The following GRID2 variants were observed in gnomAD, a reference collection of about 807,000 sequenced individuals.
GRID2 encodes glutamate ionotropic receptor delta type subunit 2.
In GRID2, 33 loss-of-function variants were observed where a neutral mutation model predicts 114.8. The ratio of observed to expected loss-of-function variants is 0.29; its 90% CI spans 0.22 to 0.38. GRID2 has a LOEUF of 0.38. Among genes scored for constraint, GRID2 ranks in the 10% least tolerant of loss-of-function variants. The pLI is 1.00. For synonymous variants in GRID2, 505 were observed against 449.9 expected (o/e 1.12, Z -1.55); for missense variants, 1,184 against 1,257.7 (o/e 0.94, Z 0.89).
intron 13 of GRID2, among the ~76,000 whole-genome samples, chr4:93,576,764 A>T (rs1011537384): frequency 6.6e-6 from 1 of 151,876 alleles, no homozygotes; most frequent in East Asian, 1.9e-4. Flanking sequence ...CTTTAAAGAG[A>T]TATGCTTTCC....
chr4:93,450,394 G>A (rs1722568470), intron 10 of GRID2, among the ~76,000 whole-genome samples: 1 of 151,818 alleles, frequency 6.6e-6, no homozygotes, highest in East Asian at 1.9e-4. Flanking sequence ...TTGGTGTAAT[G>A]TTAAAATAAT....
chr4:93,625,783 T>C (rs959983398), intron 13 of GRID2, among the ~76,000 whole-genome samples: 6 of 151,992 alleles, frequency 3.9e-5, no homozygotes, highest in South Asian at 4.2e-4. Context: ...GGCGCGGTGG[T>C]GGGCGCCTGT....
At chr4:93,550,405 T>C (rs1372935115) in intron 13 of GRID2, among the ~76,000 whole-genome samples, 1 of 152,222 alleles carries the variant, frequency 6.6e-6, no homozygotes. Context: ...GAACTTCCAC[T>C]AATATTAACC....
intron 10 of GRID2, among the ~76,000 whole-genome samples, chr4:93,436,182 G>T (rs1580078547): frequency 6.6e-6 from 1 of 152,248 alleles, no homozygotes; most frequent in African/African-American, 2.4e-5. Context: ...GGTATCGCTT[G>T]CTCCATCTCT....
At chr4:93,327,423 T>C (rs1001674198) in intron 8 of GRID2, among the ~76,000 whole-genome samples, 10 of 152,290 alleles carry the variant, frequency 6.6e-5, no homozygotes, top group Middle Eastern at 3.4e-3. Flanking sequence ...TTATTCTCTT[T>C]TCAGGCTGTC....
chr4:93,042,221 T>C (rs1725586223), intron 2 of GRID2, among the ~76,000 whole-genome samples: 1 of 151,046 alleles, frequency 6.6e-6, no homozygotes, highest in South Asian at 2.1e-4. Flanking sequence ...CATCTTAAAA[T>C]ATATATTTTA....
chr4:92,832,228 C>T (rs2149400129), intron 2 of GRID2, among the ~76,000 whole-genome samples: 1 of 151,892 alleles, frequency 6.6e-6, no homozygotes, highest in East Asian at 1.9e-4. Context: ...TCACTTGAGG[C>T]CAGGAGTTGG....
chr4:93,753,425 T>C (rs928820532), intron 14 of GRID2, among the ~76,000 whole-genome samples: 40 of 152,162 alleles, frequency 2.6e-4, no homozygotes, highest in Admixed American at 2.6e-3. Context: ...ACATGTGCCA[T>C]GTTGGTGTGC....
chr4:93,484,458 A>C (rs918625274), intron 11 of GRID2, among the ~76,000 whole-genome samples: 1 of 151,384 alleles, frequency 6.6e-6, no homozygotes, highest in Non-Finnish European at 1.5e-5. Flanking sequence ...GTTTGTGTTC[A>C]AAAAAAAACT....
At position 92,977,626 on chromosome 4, in the gene GRID2, C is replaced by T. The variant is rs564579088; in HGVS notation, c.245-107369C>T. Among the ~76,000 whole-genome samples, 4 of 152,138 alleles carry T rather than the reference C, an allele frequency of 2.6e-5. No individual in the cohort carries two copies. In the South Asian group the frequency reaches 8.3e-4, roughly 32 times the overall value. ...ATGTTCTGACTACAATTTGAAGAAT[C>T]AATTGTAGGAAGCAGGAGTGAAAAC... On this transcript the variant is annotated intron_variant, in intron 2 of 15. Transcript: ENST00000282020.
intron 1 of GRID2, among the ~76,000 whole-genome samples, chr4:92,316,681 T>C (rs1043736090): frequency 4.6e-5 from 7 of 151,924 alleles, no homozygotes; most frequent in Non-Finnish European, 1.0e-4. Context: ...AATTCAGAAC[T>C]CCCAGCTGAA....
chr4:93,564,921 C>T (rs1735263868), intron 13 of GRID2, among the ~76,000 whole-genome samples: 1 of 151,906 alleles, frequency 6.6e-6, no homozygotes, highest in South Asian at 2.1e-4. Context: ...TAGCATCCCA[C>T]AAAAATACTT....
intron 13 of GRID2, among the ~76,000 whole-genome samples, chr4:93,614,132 C>T (rs1031301428): frequency 8.7e-4 from 133 of 152,308 alleles, no homozygotes; most frequent in Non-Finnish European, 1.5e-3. Context: ...TGACCCCTTG[C>T]GCTTCCCAGG....
chr4:93,051,876 C>T (rs555710071), intron 2 of GRID2, among the ~76,000 whole-genome samples: 1 of 151,668 alleles, frequency 6.6e-6, no homozygotes, highest in Admixed American at 6.6e-5. Context: ...GCTTGTTTGT[C>T]CAGTTTTTTT....
At chr4:92,555,782 G>A (rs1407774166) in intron 1 of GRID2, among the ~76,000 whole-genome samples, 1 of 152,038 alleles carries the variant, frequency 6.6e-6, no homozygotes, top group African/African-American at 2.4e-5. Flanking sequence ...GACCACAGAT[G>A]CTCCTCAATT....
chr4:92,497,163 T>G (rs965929476), intron 1 of GRID2, among the ~76,000 whole-genome samples: 5 of 151,828 alleles, frequency 3.3e-5, no homozygotes, highest in African/African-American at 1.2e-4. Context: ...CTTTGAGACT[T>G]TGTTGTTCAC....
At chr4:92,622,286 T>C (rs556948965) in intron 2 of GRID2, among the ~76,000 whole-genome samples, 108 of 151,888 alleles carry the variant, frequency 7.1e-4, no homozygotes, top group African/African-American at 2.5e-3. Context: ...ATTTTAGATA[T>C]GGATGTTGCT....
chr4:92,728,213 A>G (rs1334190089), intron 2 of GRID2, among the ~76,000 whole-genome samples: 2 of 152,106 alleles, frequency 1.3e-5, no homozygotes, highest in Non-Finnish European at 2.9e-5. Flanking sequence ...ACTTCCCTAC[A>G]TAACTCATTT....
At chr4:92,470,158 G>A (rs1169929000) in intron 1 of GRID2, among the ~76,000 whole-genome samples, 1 of 151,852 alleles carries the variant, frequency 6.6e-6, no homozygotes. Context: ...ACTAGAAAAA[G>A]ATACATTCTC....
Sources: allele counts gnomAD v4.1 joint callset (sites outside exome capture counted in the v4.1 genomes callset), GRCh38; gene constraint gnomAD v4.1.1; transcripts MANE v1.5; gene names NCBI Gene and HGNC (gene_info 2026-07-23, HGNC 2026-07-21).